The following MACROD2 variants were observed in gnomAD, a reference collection of about 807,000 sequenced individuals.
MACROD2 encodes the protein ADP-ribose glycohydrolase MACROD2.
A neutral mutation model predicts 70.4 loss-of-function variants in MACROD2; 36 were observed. The observed-to-expected ratio is 0.51, with a 90% CI of 0.39 to 0.68. The LOEUF is 0.68. MACROD2 is among the 30% of genes least tolerant of loss of function. The pLI is 0.00. For synonymous variants in MACROD2, 172 were observed against 178.8 expected (o/e 0.96, Z 0.30); for missense variants, 496 against 538.4 (o/e 0.92, Z 0.78).
At chr20:15,422,549 A>G (rs938811844) in intron 6 of MACROD2, among the ~76,000 whole-genome samples, 1 of 152,104 alleles carries the variant, frequency 6.6e-6, no homozygotes, top group Non-Finnish European at 1.5e-5. Flanking sequence ...TCTGTTTTTG[A>G]TCACAGGCTT....
chr20:14,220,689 A>G (rs770979113), intron 3 of MACROD2, among the ~76,000 whole-genome samples: 6 of 152,146 alleles, frequency 3.9e-5, no homozygotes, highest in Non-Finnish European at 8.8e-5. Flanking sequence ...GCGAGCTCCC[A>G]GGGCCTTTCT....
chr20:15,491,389 G>C (rs2047230109), intron 7 of MACROD2, among the ~76,000 whole-genome samples: 1 of 152,176 alleles, frequency 6.6e-6, no homozygotes, highest in South Asian at 2.1e-4. Flanking sequence ...CATTGTCTCA[G>C]ATTCATCAAT....
intron 5 of MACROD2, among the ~76,000 whole-genome samples, chr20:14,764,082 A>T (rs2072052962): frequency 6.6e-6 from 1 of 151,936 alleles, no homozygotes; most frequent in Admixed American, 6.6e-5. Flanking sequence ...CAAGAGGCTG[A>T]TGTGTTTGCT....
chr20:14,410,596 A>G (rs775243611), intron 3 of MACROD2, among the ~76,000 whole-genome samples: 5 of 152,130 alleles, frequency 3.3e-5, no homozygotes, highest in African/African-American at 4.8e-5. Flanking sequence ...GTGTACTCAG[A>G]ATTTGTACTT....
At chr20:14,381,290 C>G (rs942618263) in intron 3 of MACROD2, among the ~76,000 whole-genome samples, 1 of 152,122 alleles carries the variant, frequency 6.6e-6, no homozygotes, top group Non-Finnish European at 1.5e-5. Flanking sequence ...TGCATGTAAA[C>G]TGTATTTTGG....
At chr20:15,567,680 C>T (rs2048327411) in intron 8 of MACROD2, among the ~76,000 whole-genome samples, 1 of 152,170 alleles carries the variant, frequency 6.6e-6, no homozygotes, top group African/African-American at 2.4e-5. Context: ...AGGATTATAT[C>T]TTAGAGAGTC....
At chr20:16,033,553 C>A (rs1380561716) in intron 15 of MACROD2, among the ~76,000 whole-genome samples, 2 of 151,904 alleles carry the variant, frequency 1.3e-5, no homozygotes, top group African/African-American at 4.8e-5. Flanking sequence ...TAAAGAGATA[C>A]CCAGAAGTAG....
Position 14,653,178 on chromosome 20 carries a change from G to A in MACROD2, c.302-31665G>A, listed in dbSNP as rs373056495. On this transcript the variant is annotated intron_variant, in intron 4 of 17. Coordinates refer to ENST00000684519, the MANE Select transcript of MACROD2 (RefSeq NM_001351661.2). Reference sequence around the variant, plus strand: ...CCATCCTCCCACCTCAGCCTCCCAAGTAGCTGGGACTATAGGCATTCACCA... The same window carrying A: ...CCATCCTCCCACCTCAGCCTCCCAAATAGCTGGGACTATAGGCATTCACCA... Among the ~76,000 whole-genome samples the A allele has an allele frequency of 6.0e-5, 9 of 151,160 alleles. No individual in the cohort carries two copies. In the East Asian group the frequency reaches 1.6e-3, roughly 26 times the overall value.
chr20:14,823,635 A>G (rs1405259252), intron 5 of MACROD2, among the ~76,000 whole-genome samples: 1 of 152,102 alleles, frequency 6.6e-6, no homozygotes, highest in African/African-American at 2.4e-5. Flanking sequence ...CTTTCTGTGG[A>G]TCCCATACAT....
chr20:14,583,833 G>GA (rs1342453997), intron 4 of MACROD2, among the ~76,000 whole-genome samples: 1 of 152,138 alleles, frequency 6.6e-6, no homozygotes, highest in Non-Finnish European at 1.5e-5. Flanking sequence ...GAGAAGACGA[G>GA]AAAGAGACAG....
intron 8 of MACROD2, among the ~76,000 whole-genome samples, chr20:15,848,225 T>TA (rs2064255641): frequency 6.6e-6 from 1 of 152,126 alleles, no homozygotes; most frequent in African/African-American, 2.4e-5. Context: ...CTCTCTCCCA[T>TA]GCAAATGTAC....
chr20:15,016,215 TATAAC>T (rs1268587668), intron 5 of MACROD2, among the ~76,000 whole-genome samples: 1 of 152,196 alleles, frequency 6.6e-6, no homozygotes, highest in African/African-American at 2.4e-5. Context: ...CTTAGAGTAT[TATAAC>T]AGTCATGAAA....
intron 3 of MACROD2, among the ~76,000 whole-genome samples, chr20:14,274,545 G>A (rs1023426365): frequency 3.9e-5 from 6 of 152,080 alleles, no homozygotes; most frequent in Non-Finnish European, 7.4e-5. Flanking sequence ...ATATCATACT[G>A]AATGGGCAAA....
At chr20:15,531,299 TATG>T (rs1349013764) in intron 8 of MACROD2, among the ~76,000 whole-genome samples, 1 of 150,122 alleles carries the variant, frequency 6.7e-6, no homozygotes, top group Non-Finnish European at 1.5e-5. Context: ...TTTTACAAAA[TATG>T]ATTTAATAAC....
intron 5 of MACROD2, among the ~76,000 whole-genome samples, chr20:14,904,413 C>T (rs1032747820): frequency 6.6e-6 from 1 of 152,016 alleles, no homozygotes; most frequent in African/African-American, 2.4e-5. Flanking sequence ...TTTGACAAAT[C>T]ACTGTGCCTA....
intron 5 of MACROD2, among the ~76,000 whole-genome samples, chr20:15,054,269 G>T (rs1473161929): frequency 6.6e-6 from 1 of 152,190 alleles, no homozygotes; most frequent in Non-Finnish European, 1.5e-5. Flanking sequence ...TGTGAAAAAT[G>T]CTATTAAATA....
In MACROD2 at chr20:14,917,528, G is replaced by A. The variant is rs547303898; in HGVS notation, c.418+232569G>A. Among the ~76,000 whole-genome samples, 7 of 152,180 alleles carry A rather than the reference G, an allele frequency of 4.6e-5. No homozygotes were observed. The South Asian group carries it at 1.5e-3, about 32-fold the overall frequency. On this transcript the variant is annotated intron_variant, in intron 5 of 17. Coordinates refer to ENST00000684519, the MANE Select transcript of MACROD2 (RefSeq NM_001351661.2). The stretch of plus-strand genomic sequence containing the variant: ...CAGGGAACTCCCTCCACCTGTCTAT[G>A]AGAGAACTGTGTTGTGGAAGCTCAC...
intron 8 of MACROD2, among the ~76,000 whole-genome samples, chr20:15,570,818 G>A (rs2048367483): frequency 1.3e-5 from 2 of 152,138 alleles, no homozygotes; most frequent in Non-Finnish European, 2.9e-5. Flanking sequence ...GCTATGGCTT[G>A]TGATGTGGTG....
chr20:15,592,417 G>C (rs778539955), intron 8 of MACROD2, among the ~76,000 whole-genome samples: 1 of 152,286 alleles, frequency 6.6e-6, no homozygotes, highest in East Asian at 1.9e-4. Context: ...GTAGAGGCAG[G>C]GTTTGCCCCT....
Sources: gnomAD v4.1 joint callset for allele counts (sites outside exome capture counted in the v4.1 genomes callset) on GRCh38, gnomAD v4.1.1 for gene constraint, MANE v1.5 for transcripts, NCBI Gene and HGNC (gene_info 2026-07-23, HGNC 2026-07-21) for gene names.